STK24: variants seen among roughly 807,000 people sequenced by gnomAD.
STK24 encodes the protein serine/threonine-protein kinase 24.
A neutral mutation model predicts 55.6 loss-of-function variants in STK24; 21 were observed. That is an observed-to-expected ratio of 0.38 (90% CI 0.27 to 0.54). STK24 has a LOEUF of 0.54. STK24 is among the 20% of genes least tolerant of loss of function. The pLI is 0.79. For missense variants in STK24, 383 were observed against 538.4 expected (o/e 0.71, Z 2.86); for synonymous variants, 200 against 215.2 (o/e 0.93, Z 0.62).
At chr13:98,469,104 C>T (rs536050914) in intron 5 of STK24, among the ~76,000 whole-genome samples, 3 of 152,328 alleles carry the variant, frequency 2.0e-5, no homozygotes, top group East Asian at 3.9e-4. Flanking sequence ...AATAAGCAGG[C>T]GGCCGAACGC....
chr13:98,448,473 C>T lies in STK24; in HGVS notation c.*4700G>A, dbSNP rs1230941544. On this transcript the variant is annotated 3_prime_UTR_variant, in exon 11 of 11. Transcript: ENST00000539966. ...TCTCCACAGCCGCGTTTTTTAACCC[C>T]GACCTCTCAGCGTCTGAATGAACAG... The T allele has an allele frequency of 9.5e-6, 6 of 631,326 alleles. No homozygotes were observed. Among genetic ancestry groups the T allele is most frequent in the Admixed American group, 8.0e-5 (3 of 37,324 alleles). 39.1% of individuals were successfully genotyped at this position (631,326 alleles called of 1,614,324 possible).
At chr13:98,528,385 A>G (rs947588083) in intron 1 of STK24, among the ~76,000 whole-genome samples, 1 of 152,114 alleles carries the variant, frequency 6.6e-6, no homozygotes, top group African/African-American at 2.4e-5. Flanking sequence ...TGGTCCCCTC[A>G]GCCCAGTCTA....
At chr13:98,524,405 G>A (rs1896359926) in intron 1 of STK24, among the ~76,000 whole-genome samples, 1 of 152,206 alleles carries the variant, frequency 6.6e-6, no homozygotes, top group Non-Finnish European at 1.5e-5. Flanking sequence ...GGAGAGGCCT[G>A]TTCTAGACAC....
Position 98,571,909 on chromosome 13 carries a change from C to T in STK24, c.42+4836G>A, listed in dbSNP as rs1044119874. ...AGTGCTGCAATGCCTTCTAAAGGGG[C>T]ACCCAGCACTCCCCACACCTGAGAA... On this transcript the variant is annotated intron_variant, in intron 1 of 10. Coordinates refer to ENST00000539966, the MANE Select transcript of STK24 (RefSeq NM_001032296.4). Among the ~76,000 whole-genome samples, 6 of 152,334 alleles carry T rather than the reference C, an allele frequency of 3.9e-5. No individual in the cohort carries two copies. In the South Asian group the frequency reaches 1.2e-3, roughly 32 times the overall value.
chr13:98,456,103 G>T (rs1460902447), intron 10 of STK24: 1 of 153,978 alleles, frequency 6.5e-6, no homozygotes, highest in Admixed American at 6.4e-5. Flanking sequence ...TTATTTTCTA[G>T]CAACTTAAAA....
At chr13:98,539,652 A>G (rs1896831864) in intron 1 of STK24, among the ~76,000 whole-genome samples, 1 of 152,320 alleles carries the variant, frequency 6.6e-6, no homozygotes, top group East Asian at 1.9e-4. Context: ...CTCAGAATTT[A>G]CTAGGTCCAT....
chr13:98,533,679 C>T (rs1326527892), intron 1 of STK24, among the ~76,000 whole-genome samples: 3 of 151,992 alleles, frequency 2.0e-5, no homozygotes, highest in Admixed American at 6.6e-5. Flanking sequence ...AATATAAATT[C>T]GATTTTTGAA....
In STK24 at chr13:98,463,805, T is replaced by C. The variant is rs777642903; in HGVS notation, c.815A>G (p.Lys272Arg). The change falls in exon 7 of 11, where the codon AAG becomes AGG. Residue 272 changes from lysine (K) to arginine (R), a missense_variant. Coordinates refer to ENST00000539966, the MANE Select transcript of STK24 (RefSeq NM_001032296.4). Reference sequence around the variant, plus strand: ...TTTCTTTGCATTGCGTAGTATAAACTTGTGCTTCAATAACTCCTTAGCAGT... The same window carrying C: ...TTTCTTTGCATTGCGTAGTATAAACCTGTGCTTCAATAACTCCTTAGCAGT... Reference protein sequence around the residue: ...RPTAKELLKHKFILRNAKKTS... With the variant: ...RPTAKELLKHRFILRNAKKTS... The C allele has an allele frequency of 6.2e-7, 1 of 1,614,140 alleles. No homozygotes were observed. Among genetic ancestry groups the C allele is most frequent in the South Asian group, 1.1e-5 (1 of 91,080 alleles).
intron 1 of STK24, chr13:98,576,194 C>G: frequency 1.0e-6 from 1 of 985,376 alleles, no homozygotes; most frequent in Non-Finnish European, 1.2e-6. Flanking sequence ...GCAAGTGGAA[C>G]TCGCGGTTAC....
chr13:98,546,462 AT>A (rs1897031143), intron 1 of STK24, among the ~76,000 whole-genome samples: 1 of 152,206 alleles, frequency 6.6e-6, no homozygotes, highest in South Asian at 2.1e-4. Flanking sequence ...CAAAAGCTGA[AT>A]CTATGCCAGA....
intron 5 of STK24, among the ~76,000 whole-genome samples, chr13:98,472,955 G>A (rs1445832825): frequency 5.9e-5 from 9 of 151,886 alleles, no homozygotes; most frequent in South Asian, 2.1e-4. Context: ...TGAAATGGCC[G>A]CACACTGAGG....
chr13:98,462,776 C>T (rs1489276565), intron 7 of STK24, among the ~76,000 whole-genome samples: 1 of 152,180 alleles, frequency 6.6e-6, no homozygotes, highest in Non-Finnish European at 1.5e-5. Context: ...ACACACGGTT[C>T]ACCCCACACT....
chr13:98,559,304 A>G (rs901104305), intron 1 of STK24, among the ~76,000 whole-genome samples: 19 of 152,176 alleles, frequency 1.2e-4, no homozygotes, highest in Admixed American at 9.2e-4. Context: ...GAGGTAACCG[A>G]ATCACAGGAG....
rs572867043 is a variant in STK24, at chr13:98,494,849, C to G, written c.274-12528G>C. ...CAAGGGCACCCGCACTGAGGCACCC[C>G]GGGGCACAAACACCCAGCTAAAGGC... On this transcript the variant is annotated intron_variant, in intron 2 of 10. Coordinates refer to ENST00000539966, the MANE Select transcript of STK24 (RefSeq NM_001032296.4). Among the ~76,000 whole-genome samples the G allele has an allele frequency of 5.9e-5, 9 of 152,328 alleles. No individual in the cohort carries two copies. In the East Asian group the frequency reaches 1.3e-3, roughly 23 times the overall value.
chr13:98,465,672 C>T (rs1893901674), intron 6 of STK24, among the ~76,000 whole-genome samples: 1 of 152,218 alleles, frequency 6.6e-6, no homozygotes, highest in African/African-American at 2.4e-5. Context: ...GTAAAAGTAA[C>T]CACCCATTTT....
At chr13:98,505,518 T>C (rs1895652097) in intron 2 of STK24, among the ~76,000 whole-genome samples, 1 of 152,248 alleles carries the variant, frequency 6.6e-6, no homozygotes, top group African/African-American at 2.4e-5. Context: ...CTATCTCCAC[T>C]GATTCCATTT....
chr13:98,473,630 G>C, intron 5 of STK24, among the ~76,000 whole-genome samples: 1 of 152,162 alleles, frequency 6.6e-6, no homozygotes, highest in Non-Finnish European at 1.5e-5. Flanking sequence ...ACACACCCAA[G>C]ACCAGCCAGG....
At position 98,563,859 on chromosome 13, in the gene STK24, C is replaced by CA. The variant is rs1366378656; in HGVS notation, c.42+12885dup. On this transcript the variant is annotated intron_variant, in intron 1 of 10. Transcript: ENST00000539966. ...TGGGTGAAGGAGCGAGACTCCGTCT[C>CA]AAAAAAAAAAAAAAAAGTTTCCAAT... Among the ~76,000 whole-genome samples the CA allele has an allele frequency of 8.4e-3, 696 of 82,858 alleles. 5 individuals carry two copies. Among genetic ancestry groups the CA allele is most frequent in the African/African-American group, 0.022 (502 of 23,304 alleles). 54.4% of individuals were successfully genotyped at this position (82,858 alleles called of 152,430 possible).
chr13:98,538,112 A>T (rs1408312191), intron 1 of STK24, among the ~76,000 whole-genome samples: 2 of 152,070 alleles, frequency 1.3e-5, no homozygotes, highest in South Asian at 4.1e-4. Context: ...GATGTCAACA[A>T]ATCCTCATCA....
Sources: gnomAD v4.1 joint callset for allele counts (sites outside exome capture counted in the v4.1 genomes callset) on GRCh38, gnomAD v4.1.1 for gene constraint, MANE v1.5 for transcripts, NCBI Gene and HGNC (gene_info 2026-07-23, HGNC 2026-07-21) for gene names.